Variants in METTL15 observed in about 807,000 individuals in gnomAD.
The protein encoded by METTL15 is 12S rRNA N(4)-cytidine methyltransferase METTL15.
METTL15 carries 34 observed loss-of-function variants against 38.3 expected under a neutral mutation model. That is an observed-to-expected ratio of 0.89 (90% confidence interval 0.68 to 1.18). METTL15 has a LOEUF of 1.18. Ranked by LOEUF, METTL15 falls within the 50% of genes most tolerant of loss-of-function variation. The pLI is 0.00. For synonymous variants in METTL15, 162 were observed against 170.9 expected (o/e 0.95, Z 0.41); for missense variants, 438 against 498.4 (o/e 0.88, Z 1.15).
intron 6 of METTL15, among the ~76,000 whole-genome samples, chr11:28,495,227 A>C (rs1590394083): frequency 2.0e-5 from 3 of 152,202 alleles, no homozygotes; most frequent in Non-Finnish European, 2.9e-5. Flanking sequence ...CCATATGGTA[A>C]CTTGTGCTTA....
intron 3 of METTL15, among the ~76,000 whole-genome samples, chr11:28,118,719 G>A (rs1040257283): frequency 1.3e-5 from 2 of 151,906 alleles, no homozygotes; most frequent in African/African-American, 4.8e-5. Context: ...TTATTATAAG[G>A]GTACAAGTAC....
intron 3 of METTL15, among the ~76,000 whole-genome samples, chr11:28,132,215 T>G (rs1849361905): frequency 6.6e-6 from 1 of 152,102 alleles, no homozygotes; most frequent in Non-Finnish European, 1.5e-5. Context: ...AACGAACCTC[T>G]TTTTTTGCCC....
intron 5 of METTL15, among the ~76,000 whole-genome samples, chr11:28,401,921 A>C (rs1042503103): frequency 5.3e-5 from 8 of 152,030 alleles, no homozygotes; most frequent in Admixed American, 2.6e-4. Flanking sequence ...AGTGTACCTT[A>C]ATAAATGTAC....
chr11:28,408,350 A>C (rs1429795771), intron 5 of METTL15, among the ~76,000 whole-genome samples: 7 of 152,082 alleles, frequency 4.6e-5, no homozygotes, highest in African/African-American at 7.2e-5. Context: ...CAACAACAAC[A>C]ACAACAAGAA....
Position 28,142,615 on chromosome 11 carries a change from G to A in METTL15, c.270+29011G>A, listed in dbSNP as rs181446694. 3.1e-3 allele frequency among the ~76,000 whole-genome samples: 472 copies of A among 152,148 alleles called. 2 individuals are homozygous for A. The highest frequency in any genetic ancestry group is 0.011 in the African/African-American group (451 of 41,514). ...TAGATTTCTATAATTTTTATTTAAC[G>A]TGAAAGCCCATTGTGGCTAAGTGTA... On this transcript the variant is annotated intron_variant, in intron 3 of 6. Coordinates refer to ENST00000407364, the MANE Select transcript of METTL15 (RefSeq NM_001113528.2).
intron 3 of METTL15, among the ~76,000 whole-genome samples, chr11:28,201,799 G>C (rs528926583): frequency 6.6e-6 from 1 of 152,140 alleles, no homozygotes; most frequent in African/African-American, 2.4e-5. Context: ...GGATATATTA[G>C]GGCTGTCCTC....
At chr11:28,415,177 G>T (rs527680200) in intron 5 of METTL15, among the ~76,000 whole-genome samples, 3 of 152,290 alleles carry the variant, frequency 2.0e-5, no homozygotes, top group Non-Finnish European at 2.9e-5. Flanking sequence ...TAGCAAGCAA[G>T]GGAGAAATGG....
At chr11:28,325,110 C>G (rs1035951386) in intron 6 of METTL15, among the ~76,000 whole-genome samples, 35 of 152,178 alleles carry the variant, frequency 2.3e-4, no homozygotes, top group African/African-American at 7.5e-4. Context: ...CTGACTCTCT[C>G]TCTCTTTCTC....
At chr11:28,280,766 G>T (rs1590256579) in intron 4 of METTL15, among the ~76,000 whole-genome samples, 1 of 144,566 alleles carries the variant, frequency 6.9e-6, no homozygotes, top group African/African-American at 2.6e-5. Context: ...TTCTCTCTTT[G>T]GCTATTTGTG....
chr11:28,290,829 G>T (rs1438654710), intron 5 of METTL15, among the ~76,000 whole-genome samples: 2 of 149,506 alleles, frequency 1.3e-5, no homozygotes, highest in Admixed American at 1.3e-4. Context: ...CAAGATCCTA[G>T]AAGTCAGTAA....
chr11:28,365,016 G>A (rs1850172514), intron 5 of METTL15, among the ~76,000 whole-genome samples: 1 of 152,160 alleles, frequency 6.6e-6, no homozygotes, highest in Admixed American at 6.5e-5. Flanking sequence ...TTGCATCCCA[G>A]AAATAAAGCC....
intron 3 of METTL15, chr11:28,145,502 A>G (rs1421321455): frequency 6.6e-6 from 1 of 151,984 alleles, no homozygotes; most frequent in Non-Finnish European, 1.5e-5. Flanking sequence ...CTGGATTCCT[A>G]GACTCTCCAG....
intron 3 of METTL15, among the ~76,000 whole-genome samples, chr11:28,143,096 C>T (rs1294664431): frequency 6.6e-6 from 1 of 151,762 alleles, no homozygotes; most frequent in East Asian, 1.9e-4. Flanking sequence ...AACAAGGACC[C>T]TATTTTTTTT....
chr11:28,177,270 C>G (rs1227932362), intron 3 of METTL15, among the ~76,000 whole-genome samples: 1 of 151,966 alleles, frequency 6.6e-6, no homozygotes, highest in Non-Finnish European at 1.5e-5. Flanking sequence ...ATTATGAATA[C>G]AGATTTCCAT....
chr11:28,486,408 G>A (rs1055563456), intron 6 of METTL15, among the ~76,000 whole-genome samples: 2 of 150,556 alleles, frequency 1.3e-5, no homozygotes, highest in African/African-American at 4.9e-5. Context: ...TTTTTTCTCT[G>A]CCTCTCTTAG....
At chr11:28,363,110 ATGT>A (rs1327937141) in intron 5 of METTL15, among the ~76,000 whole-genome samples, 2 of 151,930 alleles carry the variant, frequency 1.3e-5, no homozygotes, top group Non-Finnish European at 2.9e-5. Flanking sequence ...ATGAGTAGTG[ATGT>A]TGTGCATTTT....
chr11:28,296,369 G>T (rs1352303560), intron 5 of METTL15, among the ~76,000 whole-genome samples: 1 of 152,040 alleles, frequency 6.6e-6, no homozygotes, highest in Non-Finnish European at 1.5e-5. Flanking sequence ...AGCAAACCTT[G>T]TATCTTCCAT....
chr11:28,314,618 A>G lies in METTL15; in HGVS notation c.779-15778A>G, dbSNP rs140467825. ...TAAATATAAAGGTGACCACCTAAAT[A>G]GGTAATGGGAATCATGATTCAATTT... On this transcript the variant is annotated intron_variant, in intron 6 of 6. Transcript: ENST00000407364. Among the ~76,000 whole-genome samples, 584 of 152,316 alleles carry G rather than the reference A, an allele frequency of 3.8e-3. 6 individuals carry two copies. The highest frequency in any genetic ancestry group is 0.013 in the African/African-American group (549 of 41,574).
intron 4 of METTL15, among the ~76,000 whole-genome samples, chr11:28,240,093 T>C (rs1374119802): frequency 6.6e-6 from 1 of 152,132 alleles, no homozygotes; most frequent in Non-Finnish European, 1.5e-5. Context: ...ATAGAATAGA[T>C]GCCCATGATC....
Sources: gnomAD v4.1 joint callset for allele counts (sites outside exome capture counted in the v4.1 genomes callset) on GRCh38, gnomAD v4.1.1 for gene constraint, MANE v1.5 for transcripts, NCBI Gene and HGNC (gene_info 2026-07-23, HGNC 2026-07-21) for gene names.